Variants in SH3GL3 observed in about 807,000 individuals in gnomAD.
The protein encoded by SH3GL3 is SH3 domain containing GRB2 like 3, endophilin A3.
In SH3GL3, 33 loss-of-function variants were observed where a neutral mutation model predicts 47.7. The observed-to-expected ratio is 0.69, with a 90% CI of 0.52 to 0.92. SH3GL3 has a LOEUF of 0.92. Ranked by LOEUF, SH3GL3 falls within the 40% of genes least tolerant of loss-of-function variation. SH3GL3 has a pLI of 0.00. For synonymous variants in SH3GL3, 155 were observed against 148.8 expected (o/e 1.04, Z -0.30); for missense variants, 363 against 417.8 (o/e 0.87, Z 1.14).
chr15:83,554,333 A>G (rs112678733), intron 1 of SH3GL3, among the ~76,000 whole-genome samples: 27,775 of 152,138 alleles, frequency 0.18, 3,179 homozygotes, highest in Admixed American at 0.25. Context: ...GATTACAGGC[A>G]TGCGCCACCA....
chr15:83,585,318 C>T (rs775242724), intron 6 of SH3GL3, among the ~76,000 whole-genome samples: 9 of 152,220 alleles, frequency 5.9e-5, no homozygotes, highest in Admixed American at 1.3e-4. Context: ...GTTTTAGCCA[C>T]GACAGGGAGG....
At chr15:83,470,639 A>C (rs747113610) in intron 1 of SH3GL3, among the ~76,000 whole-genome samples, 10 of 152,126 alleles carry the variant, frequency 6.6e-5, no homozygotes, top group Non-Finnish European at 1.3e-4. Context: ...GTAATTACTT[A>C]TATGTTAGCG....
At chr15:83,485,423 G>C (rs2041550537) in intron 1 of SH3GL3, among the ~76,000 whole-genome samples, 1 of 152,148 alleles carries the variant, frequency 6.6e-6, no homozygotes, top group South Asian at 2.1e-4. Context: ...CATTTTTGAA[G>C]TATTTCTCCT....
chr15:83,578,010 G>C (rs1400278030), intron 6 of SH3GL3, among the ~76,000 whole-genome samples: 1 of 152,202 alleles, frequency 6.6e-6, no homozygotes, highest in Non-Finnish European at 1.5e-5. Flanking sequence ...AAATTTTTCA[G>C]CTGTTCCATA....
intron 1 of SH3GL3, among the ~76,000 whole-genome samples, chr15:83,513,165 A>G (rs1371826180): frequency 1.3e-5 from 2 of 152,222 alleles, no homozygotes; most frequent in Non-Finnish European, 2.9e-5. Context: ...TAATCACAGC[A>G]TGGAGCTGAG....
At position 83,512,347 on chromosome 15, in the gene SH3GL3, T is replaced by G. The variant is rs563108576; in HGVS notation, c.46-46906T>G. On this transcript the variant is annotated intron_variant, in intron 1 of 8. Coordinates refer to ENST00000427482, the MANE Select transcript of SH3GL3 (RefSeq NM_003027.5). The stretch of plus-strand genomic sequence containing the variant: ...TTTCATTTGCCTTAACAACTCCACG[T>G]TTATTTAATATCAGTTTAATTCTTG... Among the ~76,000 whole-genome samples the G allele has an allele frequency of 2.0e-5, 3 of 152,286 alleles. No individual in the cohort carries two copies. The South Asian group carries it at 6.2e-4, about 32-fold the overall frequency.
chr15:83,609,710 G>T (rs2060614181), intron 8 of SH3GL3, among the ~76,000 whole-genome samples: 2 of 152,042 alleles, frequency 1.3e-5, no homozygotes, highest in Admixed American at 1.3e-4. Context: ...AAGAACCCAA[G>T]TTCCACAAAA....
At chr15:83,456,911 C>T (rs558544366) in intron 1 of SH3GL3, among the ~76,000 whole-genome samples, 98 of 152,284 alleles carry the variant, frequency 6.4e-4, no homozygotes, top group Non-Finnish European at 1.0e-4. Context: ...GCTGTTTACT[C>T]TTCTGGTAGA....
intron 8 of SH3GL3, among the ~76,000 whole-genome samples, chr15:83,591,952 T>C (rs911025967): frequency 3.9e-5 from 6 of 152,158 alleles, no homozygotes; most frequent in Admixed American, 6.5e-5. Flanking sequence ...GGATTACAGC[T>C]GTGAGCCACC....
chr15:83,459,899 C>T (rs1473028451), intron 1 of SH3GL3, among the ~76,000 whole-genome samples: 3 of 151,638 alleles, frequency 2.0e-5, no homozygotes, highest in African/African-American at 7.3e-5. Flanking sequence ...GGAGTGGTGA[C>T]TCTCACTCTC....
chr15:83,619,537 C>A (rs2060904242), downstream of SH3GL3, among the ~76,000 whole-genome samples: 1 of 152,128 alleles, frequency 6.6e-6, no homozygotes, highest in Non-Finnish European at 1.5e-5. Flanking sequence ...TGTAACAAAC[C>A]TGCACATCCT....
intron 8 of SH3GL3, among the ~76,000 whole-genome samples, chr15:83,614,375 T>C (rs1645447109): frequency 6.6e-6 from 1 of 152,158 alleles, no homozygotes; most frequent in African/African-American, 2.4e-5. Context: ...AAACATCATG[T>C]AGATCATAGA....
chr15:83,611,932 GCTGAA>G (rs1463279649), intron 8 of SH3GL3, among the ~76,000 whole-genome samples: 1 of 149,084 alleles, frequency 6.7e-6, no homozygotes, highest in Non-Finnish European at 1.5e-5. Flanking sequence ...TTTCTCTTTA[GCTGAA>G]CTGAACTTGC....
intron 5 of SH3GL3, among the ~76,000 whole-genome samples, 181 bp downstream of exon 5, chr15:83,572,879 A>G (rs2059577351): frequency 6.6e-6 from 1 of 151,888 alleles, no homozygotes; most frequent in African/African-American, 2.4e-5. Context: ...CATTAGTCCT[A>G]TCTGCCCTGG....
chr15:83,579,642 A>G (rs1596301858), intron 6 of SH3GL3, among the ~76,000 whole-genome samples: 1 of 152,260 alleles, frequency 6.6e-6, no homozygotes. Flanking sequence ...GACAAGAGCT[A>G]CCATTCACTG....
At chr15:83,622,088 G>T (rs910635449), downstream of SH3GL3, among the ~76,000 whole-genome samples, 2 of 152,148 alleles carry the variant, frequency 1.3e-5, no homozygotes, top group African/African-American at 4.8e-5. Context: ...TGTGCCAGGT[G>T]CTGTTCCAAA....
chr15:83,585,655 T>C (rs988599032), intron 6 of SH3GL3, among the ~76,000 whole-genome samples: 2 of 152,160 alleles, frequency 1.3e-5, no homozygotes, highest in Non-Finnish European at 2.9e-5. Flanking sequence ...CCTTAGGATT[T>C]AGTAGGGGCC....
intron 1 of SH3GL3, among the ~76,000 whole-genome samples, chr15:83,541,206 A>C (rs1005668848): frequency 2.0e-5 from 3 of 147,190 alleles, no homozygotes; most frequent in African/African-American, 7.5e-5. Context: ...AATCTTGGCT[A>C]TTGTGAATAA....
Position 83,572,712 on chromosome 15 carries a change from G to T in SH3GL3, c.465+14G>T. The T allele has an allele frequency of 6.3e-7, 1 of 1,575,622 alleles. No homozygotes were observed. ...AAAGAGATCGGGGTAAGTCTTCCAG[G>T]GTATAAATATACCTGTTGCTACATA... is the stretch of plus-strand genomic sequence containing the variant. On this transcript the variant is annotated intron_variant, in intron 5 of 8. Transcript: ENST00000427482.
Sources: gnomAD v4.1 joint callset for allele counts (sites outside exome capture counted in the v4.1 genomes callset) on GRCh38, gnomAD v4.1.1 for gene constraint, MANE v1.5 for transcripts, NCBI Gene and HGNC (gene_info 2026-07-23, HGNC 2026-07-21) for gene names.